Variants in GABRB3 observed in about 807,000 individuals in gnomAD.
GABRB3 encodes the protein gamma-aminobutyric acid type A receptor subunit beta3, also known as gamma-aminobutyric acid receptor subunit beta-3.
In GABRB3, 14 loss-of-function variants were observed where a neutral mutation model predicts 52.1. The ratio of observed to expected loss-of-function variants is 0.27; its 90% CI spans 0.18 to 0.42. GABRB3 has a LOEUF of 0.42. GABRB3 is among the 10% of genes least tolerant of loss of function. The probability of loss-of-function intolerance (pLI) is 1.00; values close to 1 mark genes in which losing one functional copy is unlikely to be tolerated. For missense variants in GABRB3, 307 were observed against 609.1 expected (o/e 0.50, Z 5.22); for synonymous variants, 260 against 232.3 (o/e 1.12, Z -1.08).
intron 3 of GABRB3, among the ~76,000 whole-genome samples, chr15:26,737,235 G>A (rs1890088939): frequency 1.3e-5 from 2 of 152,198 alleles, no homozygotes; most frequent in Admixed American, 6.5e-5. Context: ...AAGCAGTGAT[G>A]ACTCGATAGC....
rs563566245 is a variant in GABRB3, at chr15:26,595,248, T to C, written c.462-11834A>G. On this transcript the variant is annotated intron_variant, in intron 4 of 8. Coordinates refer to ENST00000311550, the MANE Select transcript of GABRB3 (RefSeq NM_000814.6). ...CATTCTGAGTTAGGCAAAGCTGAGA[T>C]GAACATCTTGCTTCAGTCTTTCAGG... is the stretch of plus-strand genomic sequence containing the variant. Among the ~76,000 whole-genome samples the C allele has an allele frequency of 3.9e-5, 6 of 152,294 alleles. No individual in the cohort carries two copies. In the South Asian group the frequency reaches 8.3e-4, roughly 21 times the overall value.
intron 3 of GABRB3, among the ~76,000 whole-genome samples, chr15:26,763,573 T>G (rs1328549879): frequency 6.7e-6 from 1 of 148,614 alleles, no homozygotes; most frequent in African/African-American, 2.5e-5. Flanking sequence ...CGAATTGGTT[T>G]TGTTCTTTCA....
intron 3 of GABRB3, among the ~76,000 whole-genome samples, chr15:26,653,312 G>A (rs1483869910): frequency 6.6e-6 from 1 of 152,128 alleles, no homozygotes; most frequent in Non-Finnish European, 1.5e-5. Flanking sequence ...CATCACTATT[G>A]TAAAACCTAA....
chr15:26,639,664 G>A (rs1417253107), intron 3 of GABRB3, among the ~76,000 whole-genome samples: 1 of 152,206 alleles, frequency 6.6e-6, no homozygotes, highest in African/African-American at 2.4e-5. Flanking sequence ...CTATCATTAT[G>A]TAAAGGATAC....
chr15:26,630,633 C>G (rs1362082401), intron 3 of GABRB3, among the ~76,000 whole-genome samples: 1 of 152,192 alleles, frequency 6.6e-6, no homozygotes, highest in African/African-American at 2.4e-5. Context: ...AAAAAAGGGT[C>G]TTGCTTAAAA....
intron 3 of GABRB3, among the ~76,000 whole-genome samples, chr15:26,704,756 A>T (rs1030891474): frequency 1.3e-5 from 2 of 152,150 alleles, no homozygotes; most frequent in Non-Finnish European, 2.9e-5. Context: ...GCCTTATAAC[A>T]AGGGTGACCT....
At chr15:26,599,855 C>T (rs1397800986) in intron 4 of GABRB3, among the ~76,000 whole-genome samples, 3 of 152,094 alleles carry the variant, frequency 2.0e-5, no homozygotes, top group Admixed American at 6.5e-5. Context: ...ATCATGACAC[C>T]TCTAAAAGAA....
chr15:26,578,746 G>C (rs932686821), intron 6 of GABRB3, among the ~76,000 whole-genome samples: 1 of 152,252 alleles, frequency 6.6e-6, no homozygotes, highest in Non-Finnish European at 1.5e-5. Context: ...TCCACAGTGA[G>C]TGTGCTAGCC....
intron 4 of GABRB3, chr15:26,612,159 G>A (rs946833510): frequency 1.3e-5 from 2 of 152,050 alleles, no homozygotes; most frequent in Non-Finnish European, 1.5e-5. Context: ...CATCCTTCAT[G>A]GTGGGCCACA....
At chr15:26,608,002 C>T (rs1231193063) in intron 4 of GABRB3, among the ~76,000 whole-genome samples, 1 of 151,148 alleles carries the variant, frequency 6.6e-6, no homozygotes. Flanking sequence ...CCCAAAATAG[C>T]TAAAGCAATC....
chr15:26,625,516 T>C, intron 3 of GABRB3: 11 of 984,454 alleles, frequency 1.1e-5, no homozygotes, highest in Non-Finnish European at 1.3e-5. Context: ...TCTGTCAGAG[T>C]TTTGAATTCC....
At chr15:26,606,059 G>A (rs182157242) in intron 4 of GABRB3, among the ~76,000 whole-genome samples, 7 of 147,666 alleles carry the variant, frequency 4.7e-5, no homozygotes, top group African/African-American at 7.6e-5. Flanking sequence ...TCACTATCAC[G>A]AGAACAGCAA....
chr15:26,764,199 T>A (rs1422980719), intron 3 of GABRB3, among the ~76,000 whole-genome samples: 4 of 7,002 alleles, frequency 5.7e-4, no homozygotes, highest in African/African-American at 1.9e-3. Flanking sequence ...TATATATATA[T>A]ATATATATAT....
At chr15:26,745,336 TA>T (rs1231667633) in intron 3 of GABRB3, among the ~76,000 whole-genome samples, 1 of 152,170 alleles carries the variant, frequency 6.6e-6, no homozygotes, top group African/African-American at 2.4e-5. Flanking sequence ...TAAGAAGTTG[TA>T]AAAAAAATTG....
chr15:26,652,497 G>T (rs1297456273), intron 3 of GABRB3, among the ~76,000 whole-genome samples: 5 of 152,090 alleles, frequency 3.3e-5, no homozygotes, highest in Non-Finnish European at 5.9e-5. Context: ...AAAATCACAT[G>T]AATTTTAACT....
At chr15:26,626,005 T>C (rs556191752) in intron 3 of GABRB3, among the ~76,000 whole-genome samples, 11 of 152,332 alleles carry the variant, frequency 7.2e-5, no homozygotes, top group African/African-American at 2.6e-4. Context: ...ATTTGAAGGT[T>C]TGTGGCAACC....
intron 4 of GABRB3, 151 bp from the exon 5 acceptor site, chr15:26,583,565 A>G: frequency 1.5e-6 from 1 of 648,868 alleles, no homozygotes; most frequent in East Asian, 2.8e-5. Context: ...GAGAAACTTG[A>G]GTAAATAAGA....
chr15:26,576,372 A>G (rs1424649117), intron 6 of GABRB3, among the ~76,000 whole-genome samples: 1 of 152,226 alleles, frequency 6.6e-6, no homozygotes, highest in Admixed American at 6.5e-5. Context: ...ATTTTAAAAA[A>G]GGTTTCCTAA....
chr15:26,768,695 C>T (rs1225499204), intron 3 of GABRB3, among the ~76,000 whole-genome samples: 2 of 151,742 alleles, frequency 1.3e-5, no homozygotes, highest in African/African-American at 2.4e-5. Flanking sequence ...ATTATCTAGC[C>T]GTGTATAATT....
Sources: gnomAD v4.1 joint callset for allele counts (sites outside exome capture counted in the v4.1 genomes callset) on GRCh38, gnomAD v4.1.1 for gene constraint, MANE v1.5 for transcripts, NCBI Gene and HGNC (gene_info 2026-07-23, HGNC 2026-07-21) for gene names.